TEX9: variants seen among roughly 807,000 people sequenced by gnomAD.
TEX9 encodes testis-expressed protein 9.
Under a neutral mutation model 59.6 loss-of-function variants are expected in TEX9, and 74 were observed. The ratio of observed to expected loss-of-function variants is 1.24; its 90% CI spans 1.03 to 1.51. TEX9 has a LOEUF of 1.51. Among genes scored for constraint, TEX9 ranks in the 40% most tolerant of loss-of-function variants. The pLI is 0.00. For missense variants in TEX9, 522 were observed against 447.8 expected (o/e 1.17, Z -1.49); for synonymous variants, 186 against 152.2 (o/e 1.22, Z -1.64).
chr15:56,347,664 GA>G (rs1166389368), intron 1 of TEX9, among the ~76,000 whole-genome samples: 1 of 152,016 alleles, frequency 6.6e-6, no homozygotes, highest in Non-Finnish European at 1.5e-5. Flanking sequence ...AAAACTTATA[GA>G]AAAAACACAG....
chr15:56,316,372 G>A (rs1222584618), intron 1 of TEX9, among the ~76,000 whole-genome samples: 1 of 151,918 alleles, frequency 6.6e-6, no homozygotes, highest in African/African-American at 2.4e-5. Context: ...TTCTTACAGA[G>A]AGGACCCTCA....
chr15:56,402,891 T>C (rs191930666), intron 9 of TEX9, among the ~76,000 whole-genome samples: 180 of 152,342 alleles, frequency 1.2e-3, no homozygotes, highest in Non-Finnish European at 2.1e-3. Context: ...AACCACATGA[T>C]TATCTCAATA....
intron 1 of TEX9, among the ~76,000 whole-genome samples, chr15:56,328,298 A>G (rs571735057): frequency 1.3e-5 from 2 of 152,216 alleles, no homozygotes; most frequent in African/African-American, 4.8e-5. Context: ...ATCACCTACT[A>G]ACAAAAGAGC....
At chr15:56,443,435 G>A (rs765253368) in intron 12 of TEX9, 5 of 1,559,380 alleles carry the variant, frequency 3.2e-6, no homozygotes, top group Middle Eastern at 1.9e-4. Flanking sequence ...CTTACTTTTA[G>A]CTTGCTCTTA....
At position 56,334,118 on chromosome 15, in the gene TEX9, T is replaced by A. The variant is rs148501211; in HGVS notation, c.-106-39323T>A. On this transcript the variant is annotated intron_variant, in intron 1 of 5. Transcript: ENST00000560827. The stretch of plus-strand genomic sequence containing the variant: ...CAATTTATAGATTTAATGCAATCCC[T>A]ATCAAAATACCACGGACATTCTTCA... Among the ~76,000 whole-genome samples the A allele has an allele frequency of 7.2e-4, 109 of 152,302 alleles. 1 individual carries two copies. Among genetic ancestry groups the A allele is most frequent in the Admixed American group, 3.7e-3 (56 of 15,290 alleles).
intron 1 of TEX9, among the ~76,000 whole-genome samples, chr15:56,314,813 G>T (rs2045714177): frequency 6.6e-6 from 1 of 151,768 alleles, no homozygotes; most frequent in Non-Finnish European, 1.5e-5. Flanking sequence ...CTCAGGACTT[G>T]CTTTATGAAT....
intron 3 of TEX9, among the ~76,000 whole-genome samples, chr15:56,381,193 C>G (rs756678793): frequency 6.6e-6 from 1 of 152,092 alleles, no homozygotes; most frequent in South Asian, 2.1e-4. Flanking sequence ...TTAAGAGACT[C>G]TGATGCAGCC....
At chr15:56,345,066 CATATATATATGTAT>C (rs750065447) in intron 1 of TEX9, among the ~76,000 whole-genome samples, 10,407 of 134,954 alleles carry the variant, frequency 0.077, 469 homozygotes, top group Non-Finnish European at 0.11. Flanking sequence ...TACACACACA[CATATATATATGTAT>C]ATATATATAT....
chr15:56,387,764 T>G (rs1226702201), intron 4 of TEX9, among the ~76,000 whole-genome samples: 1 of 151,988 alleles, frequency 6.6e-6, no homozygotes, highest in Admixed American at 6.6e-5. Context: ...TAGTCTGTTG[T>G]ACCTGCTTAA....
intron 1 of TEX9, among the ~76,000 whole-genome samples, chr15:56,346,203 T>G (rs1382358691): frequency 6.6e-6 from 1 of 152,144 alleles, no homozygotes; most frequent in Admixed American, 6.5e-5. Context: ...CCAGTGAAAG[T>G]GAATTTTTGA....
chr15:56,259,830 C>G (rs1021788109), intron 1 of TEX9, among the ~76,000 whole-genome samples: 11 of 151,988 alleles, frequency 7.2e-5, no homozygotes, highest in African/African-American at 2.7e-4. Context: ...TGAAGAATAG[C>G]TTTTAAATTA....
chr15:56,410,777 T>C (rs558625030), intron 9 of TEX9, among the ~76,000 whole-genome samples: 1 of 152,300 alleles, frequency 6.6e-6, no homozygotes, highest in African/African-American at 2.4e-5. Context: ...TTCTATATTC[T>C]TAAGAAGGAA....
At chr15:56,295,460 G>C (rs1283271365) in intron 1 of TEX9, among the ~76,000 whole-genome samples, 1 of 152,052 alleles carries the variant, frequency 6.6e-6, no homozygotes, top group Non-Finnish European at 1.5e-5. Context: ...TTCAATTTTG[G>C]GTGTTCCATC....
intron 9 of TEX9, among the ~76,000 whole-genome samples, chr15:56,400,743 G>C (rs1169489808): frequency 2.6e-5 from 4 of 152,104 alleles, no homozygotes; most frequent in Non-Finnish European, 5.9e-5. Flanking sequence ...CAGAAAGGTC[G>C]GGTTACCCAC....
intron 1 of TEX9, among the ~76,000 whole-genome samples, chr15:56,251,926 G>A (rs964336724): frequency 7.2e-5 from 11 of 152,080 alleles, no homozygotes; most frequent in Non-Finnish European, 1.5e-4. Context: ...AGGCTCCAGT[G>A]CAGCTCTAGC....
intron 12 of TEX9, among the ~76,000 whole-genome samples, chr15:56,434,817 T>C (rs1248061458): frequency 6.6e-6 from 1 of 152,056 alleles, no homozygotes; most frequent in African/African-American, 2.4e-5. Flanking sequence ...CTCCTCAAAA[T>C]CAAAGCTGCA....
At chr15:56,344,190 CAT>C (rs1289522739) in intron 1 of TEX9, among the ~76,000 whole-genome samples, 1 of 152,178 alleles carries the variant, frequency 6.6e-6, no homozygotes, top group Admixed American at 6.5e-5. Context: ...GAACTGAAAA[CAT>C]ATGTTCACTC....
rs145581617 is a variant in TEX9 at position 56,384,952 on chromosome 15, C to T, written c.263+921C>T. Among the ~76,000 whole-genome samples the T allele has an allele frequency of 8.3e-4, 126 of 151,928 alleles. 1 individual carries two copies. Among genetic ancestry groups the T allele is most frequent in the African/African-American group, 2.8e-3 (117 of 41,228 alleles). On this transcript the variant is annotated intron_variant, in intron 4 of 12. Transcript: ENST00000352903. ...TCTAATTCAGAGTCACAAAGATTTA[C>T]GACCATGATTTCTTTGAAGAGCTTT... is the stretch of plus-strand genomic sequence containing the variant.
chr15:56,423,125 A>G (rs80206393), intron 10 of TEX9, among the ~76,000 whole-genome samples: 24 of 152,296 alleles, frequency 1.6e-4, no homozygotes, highest in African/African-American at 4.8e-4. Context: ...ACAGATATCA[A>G]TGTCTCCTAG....
Sources: allele counts gnomAD v4.1 joint callset (sites outside exome capture counted in the v4.1 genomes callset), GRCh38; gene constraint gnomAD v4.1.1; transcripts MANE v1.5; gene names NCBI Gene and HGNC (gene_info 2026-07-23, HGNC 2026-07-21).